Variants in TAX1BP1 observed in about 807,000 individuals in gnomAD.
TAX1BP1 encodes Tax1 binding protein 1.
In TAX1BP1, 62 loss-of-function variants were observed where a neutral mutation model predicts 97.7. That is an observed-to-expected ratio of 0.63 (90% CI 0.52 to 0.78). TAX1BP1 has a LOEUF of 0.78. TAX1BP1 is among the 30% of genes least tolerant of loss of function. TAX1BP1 has a pLI of 0.00. For synonymous variants in TAX1BP1, 340 were observed against 304.2 expected (o/e 1.12, Z -1.23); for missense variants, 867 against 916.1 (o/e 0.95, Z 0.69).
At chr7:27,792,721 G>C (rs373556297) in intron 9 of TAX1BP1, among the ~76,000 whole-genome samples, 178 of 152,136 alleles carry the variant, frequency 1.2e-3, no homozygotes, top group African/African-American at 3.8e-3. Context: ...CAGCACTTTG[G>C]GGGGCTGAGG....
chr7:27,803,292 G>C (rs1260596363), intron 13 of TAX1BP1: 2 of 1,048,272 alleles, frequency 1.9e-6, no homozygotes, highest in Admixed American at 7.4e-5. Context: ...TTCAAATTTA[G>C]GAAAACAGTG....
chr7:27,817,092 G>A, intron 15 of TAX1BP1, 54 bp downstream of exon 15: 5 of 1,578,288 alleles, frequency 3.2e-6, no homozygotes, highest in Non-Finnish European at 4.3e-6. Context: ...TTTAGCTTAT[G>A]TAGAGAGTTA....
intron 13 of TAX1BP1, chr7:27,803,082 A>G: frequency 6.5e-7 from 1 of 1,536,272 alleles, no homozygotes; most frequent in East Asian, 2.5e-5. Flanking sequence ...AATGAAAAAA[A>G]ATAAAGAAAT....
intron 4 of TAX1BP1, among the ~76,000 whole-genome samples, chr7:27,767,194 T>C (rs556639628): frequency 3.3e-5 from 5 of 152,288 alleles, no homozygotes; most frequent in Middle Eastern, 3.4e-3. Context: ...TAGTGCCCTC[T>C]ATTATAATAA....
intron 15 of TAX1BP1, among the ~76,000 whole-genome samples, chr7:27,823,188 TAAG>T: frequency 6.6e-6 from 1 of 152,296 alleles, no homozygotes; most frequent in Admixed American, 6.5e-5. Context: ...TAACATCTCA[TAAG>T]AAGAGGAGGA....
At chr7:27,827,310 G>A (rs915750816) in intron 15 of TAX1BP1, among the ~76,000 whole-genome samples, 2 of 151,150 alleles carry the variant, frequency 1.3e-5, no homozygotes, top group African/African-American at 4.9e-5. Flanking sequence ...CCGAGATCGC[G>A]CCACTGCACT....
intron 2 of TAX1BP1, among the ~76,000 whole-genome samples, chr7:27,751,538 A>G (rs1221070470): frequency 1.3e-5 from 2 of 152,192 alleles, no homozygotes; most frequent in Non-Finnish European, 2.9e-5. Flanking sequence ...TTAATACTTA[A>G]TAAAGATCTC....
At chr7:27,813,430 C>A (rs1237908594) in intron 13 of TAX1BP1, among the ~76,000 whole-genome samples, 1 of 151,438 alleles carries the variant, frequency 6.6e-6, no homozygotes, top group Non-Finnish European at 1.5e-5. Context: ...TCATGGCTTA[C>A]TGTAGCCTTG....
At chr7:27,775,127 A>G (rs1788982556) in intron 5 of TAX1BP1, among the ~76,000 whole-genome samples, 1 of 152,180 alleles carries the variant, frequency 6.6e-6, no homozygotes, top group Non-Finnish European at 1.5e-5. Flanking sequence ...TGAGCCTGAG[A>G]AGCTATGGTT....
At chr7:27,772,058 T>C (rs1382009731) in intron 5 of TAX1BP1, 1 of 151,884 alleles carries the variant, frequency 6.6e-6, no homozygotes, top group African/African-American at 2.4e-5. Context: ...CTCTAAGTTA[T>C]AAGACATATG....
intron 13 of TAX1BP1, among the ~76,000 whole-genome samples, chr7:27,814,184 T>C (rs1790675049): frequency 6.6e-6 from 1 of 152,036 alleles, no homozygotes; most frequent in African/African-American, 2.4e-5. Flanking sequence ...GTGCCAGTCT[T>C]GAATTACTAC....
At chr7:27,765,541 C>T (rs1788600679) in intron 3 of TAX1BP1, among the ~76,000 whole-genome samples, 1 of 152,128 alleles carries the variant, frequency 6.6e-6, no homozygotes, top group South Asian at 2.1e-4. Flanking sequence ...CAGCCTCTTT[C>T]CCATTGTAAA....
upstream of TAX1BP1, chr7:27,739,394 G>A (rs770683405): frequency 6.6e-6 from 1 of 152,244 alleles, no homozygotes; most frequent in Non-Finnish European, 1.5e-5. Flanking sequence ...AGACTATGAT[G>A]AATTCGAATG....
intron 11 of TAX1BP1, 149 bp from the exon 12 acceptor site, chr7:27,795,967 G>A: frequency 1.7e-6 from 1 of 572,794 alleles, no homozygotes; most frequent in East Asian, 3.4e-5. Flanking sequence ...ATCCTTCTTT[G>A]TATATCTAGG....
intron 3 of TAX1BP1, among the ~76,000 whole-genome samples, chr7:27,763,508 T>C (rs1047420291): frequency 6.6e-6 from 1 of 152,164 alleles, no homozygotes; most frequent in Non-Finnish European, 1.5e-5. Context: ...GGCTCACACC[T>C]GTAATCCCAG....
intron 5 of TAX1BP1, among the ~76,000 whole-genome samples, chr7:27,783,568 A>G (rs1335380853): frequency 6.6e-6 from 1 of 152,232 alleles, no homozygotes; most frequent in East Asian, 1.9e-4. Flanking sequence ...TAACTGACTC[A>G]AAGCAATTAG....
intron 3 of TAX1BP1, among the ~76,000 whole-genome samples, chr7:27,760,011 G>T (rs1195070929): frequency 6.6e-6 from 1 of 151,910 alleles, no homozygotes; most frequent in Non-Finnish European, 1.5e-5. Flanking sequence ...TCACCACCAC[G>T]CTTGGCTGAT....
intron 2 of TAX1BP1, among the ~76,000 whole-genome samples, chr7:27,754,924 ATC>A (rs1440016328): frequency 5.3e-5 from 8 of 151,982 alleles, no homozygotes; most frequent in African/African-American, 1.9e-4. Context: ...TTGCTGGCAT[ATC>A]TCATGCCTTT....
At chr7:27,746,387 CT>C (rs60097721) in intron 1 of TAX1BP1, among the ~76,000 whole-genome samples, 47,829 of 119,454 alleles carry the variant, frequency 0.4, 8,601 homozygotes, top group East Asian at 0.66. Flanking sequence ...TTTTTTTTTT[CT>C]TTTTTTTTTA....
Sources: gnomAD v4.1 joint callset for allele counts (sites outside exome capture counted in the v4.1 genomes callset) on GRCh38, gnomAD v4.1.1 for gene constraint, MANE v1.5 for transcripts, NCBI Gene and HGNC (gene_info 2026-07-23, HGNC 2026-07-21) for gene names.